ITIH3: variants seen among roughly 807,000 people sequenced by gnomAD.
ITIH3 encodes the protein inter-alpha-trypsin inhibitor heavy chain H3.
In ITIH3, 81 loss-of-function variants were observed where a neutral mutation model predicts 96.5. The ratio of observed to expected loss-of-function variants is 0.84; its 90% CI spans 0.70 to 1.01. ITIH3 has a LOEUF of 1.01. Ranked by LOEUF, ITIH3 falls within the 50% of genes least tolerant of loss-of-function variation. ITIH3 has a pLI of 0.00. For synonymous variants in ITIH3, 422 were observed against 445.2 expected (o/e 0.95, Z 0.66); for missense variants, 1,057 against 1,139.3 (o/e 0.93, Z 1.04).
In ITIH3 at chr3:52,806,309, C is replaced by T. The variant is rs34397833; in HGVS notation, c.1959C>T (p.His653=). The T allele has an allele frequency of 6.2e-3, 9,930 of 1,613,818 alleles. 582 individuals are homozygous for T. The African/African-American group carries it at 0.11, about 19-fold the overall frequency. The change falls in exon 18 of 22, where the codon CAC becomes CAT. Residue 653 remains histidine, a synonymous_variant. Transcript: ENST00000449956. ...TGTCACCAGTGGACGGGGATCCCCA[C>T]TTCATCATCCAAATTCCGGAGAAAG... ...NPYYYVDGDP[H]FIIQIPEKDD... is the part of the protein sequence containing the mutation.
intron 1 of ITIH3, among the ~76,000 whole-genome samples, chr3:52,795,128 A>G (rs556492051): frequency 1.3e-5 from 2 of 152,346 alleles, no homozygotes; most frequent in Admixed American, 1.3e-4. Context: ...CCCACCTGTC[A>G]AAAGAGCAAT....
At chr3:52,804,502 T>C (rs1699965705) in intron 14 of ITIH3, 6 of 562,952 alleles carry the variant, frequency 1.1e-5, no homozygotes, top group Admixed American at 3.2e-5. Context: ...TGGTGGAGGA[T>C]TGGCATTGGG....
Position 52,804,081 on chromosome 3 carries a change from G to C in ITIH3, c.1864+72G>C, listed in dbSNP as rs1559473305. 3.9e-6 allele frequency: 6 copies of C among 1,524,902 alleles called. No individual in the cohort carries two copies. The Middle Eastern group carries it at 8.7e-4, about 220-fold the overall frequency. The allele number at this position is 1,524,902 out of a possible 1,614,324, so 94.5% of individuals were successfully genotyped here. A position where few individuals can be genotyped will look rare whatever the true frequency, so the allele number is the denominator to read the frequency against. On this transcript the variant is annotated intron_variant, in intron 14 of 21. Transcript: ENST00000449956. Reference sequence around the variant, plus strand: ...GCACCCTACCTGGGTGTCCAGTGGAGGAGTGGGCCAGGCTGGGGAGACCCA... The same window carrying C: ...GCACCCTACCTGGGTGTCCAGTGGACGAGTGGGCCAGGCTGGGGAGACCCA...
chr3:52,800,515 G>T, intron 9 of ITIH3, 23 bp from the exon 10 acceptor site: 1 of 1,550,368 alleles, frequency 6.5e-7, no homozygotes, highest in Non-Finnish European at 8.7e-7. Context: ...ACCCTCCCAC[G>T]GTGCTGTCTG....
chr3:52,798,197 C>G (rs1378736718), intron 6 of ITIH3, among the ~76,000 whole-genome samples: 2 of 152,168 alleles, frequency 1.3e-5, no homozygotes, highest in Non-Finnish European at 2.9e-5. Flanking sequence ...CAGGGCAGGG[C>G]TTATCTTCCC....
intron 14 of ITIH3, chr3:52,804,296 T>C (rs570694768): frequency 1.8e-5 from 9 of 487,994 alleles, no homozygotes; most frequent in African/African-American, 1.7e-4. Context: ...GGCTGCAGCA[T>C]GGAAGGGCTT....
At chr3:52,808,066 T>C in intron 20 of ITIH3, 44 bp from the exon 21 acceptor site, 1 of 1,597,348 alleles carries the variant, frequency 6.3e-7, no homozygotes, top group South Asian at 1.1e-5. Context: ...ACGTTACCCG[T>C]GGCAATGGCC....
intron 13 of ITIH3, among the ~76,000 whole-genome samples, chr3:52,803,387 C>T (rs1252705611): frequency 8.0e-5 from 12 of 149,360 alleles, no homozygotes; most frequent in African/African-American, 1.5e-4. Context: ...GGCGGGATCT[C>T]GGCTCACTGC....
rs540985064 is a variant in ITIH3 at position 52,796,681 on chromosome 3, G to A, written c.281+34G>A. The A allele has an allele frequency of 4.3e-4, 688 of 1,606,126 alleles. 9 individuals are homozygous for A. In the South Asian group the frequency reaches 6.7e-3, roughly 16 times the overall value. ...CACCATGGCTGCTGGCTCTGGGCTC[G>A]GGAACAGGGGGTCTGGCCCAGTGTG... On this transcript the variant is annotated intron_variant, in intron 3 of 21. Coordinates refer to ENST00000449956, the MANE Select transcript of ITIH3 (RefSeq NM_002217.4).
intron 1 of ITIH3, 129 bp from the exon 2 acceptor site, chr3:52,795,474 G>A: frequency 2.2e-6 from 2 of 910,178 alleles, no homozygotes; most frequent in Non-Finnish European, 1.7e-6. Flanking sequence ...ATGTCTGGGG[G>A]CCACTCAGGT....
chr3:52,806,269 GCTC>G, intron 17 of ITIH3, 21 bp from the exon 18 acceptor site: 1 of 1,609,164 alleles, frequency 6.2e-7, no homozygotes, highest in Non-Finnish European at 8.5e-7. Flanking sequence ...CCGGGAGTCA[GCTC>G]CTTCTCTAAT....
chr3:52,798,773 A>G, intron 6 of ITIH3, 193 bp from the exon 7 acceptor site: 3 of 617,360 alleles, frequency 4.9e-6, no homozygotes, highest in Non-Finnish European at 8.5e-6. Context: ...AGTGCCTTCC[A>G]GTGAGTCCTG....
chr3:52,807,759 G>A lies in ITIH3; in HGVS notation c.2274G>A (p.Met758Ile), dbSNP rs1197232486. The A allele has an allele frequency of 6.2e-7, 1 of 1,610,894 alleles. No individual in the cohort carries two copies. Among genetic ancestry groups the A allele is most frequent in the Non-Finnish European group, 8.5e-7 (1 of 1,178,634 alleles). The stretch of plus-strand genomic sequence containing the variant: ...CTTCCTCTCGTAGGCTGTCCATGAT[G>A]ATCAACAGGAAGAACATGGTGGTCT... Reference protein sequence around the residue: ...VTVTQDGLSMMINRKNMVVSF... With the variant: ...VTVTQDGLSMIINRKNMVVSF... The change falls in exon 20 of 22, where the codon ATG becomes ATA. Residue 758 changes from methionine (M) to isoleucine (I), a missense_variant. Transcript: ENST00000449956.
intron 6 of ITIH3, among the ~76,000 whole-genome samples, chr3:52,798,227 C>A (rs1194710292): frequency 1.3e-5 from 2 of 152,186 alleles, no homozygotes; most frequent in African/African-American, 2.4e-5. Context: ...GGTCCCGAGG[C>A]TGAAGCCCAA....
At chr3:52,796,943 T>C (rs1360735802) in intron 4 of ITIH3, 100 bp downstream of exon 4, 3 of 1,179,448 alleles carry the variant, frequency 2.5e-6, no homozygotes, top group Non-Finnish European at 3.6e-6. Flanking sequence ...TATAGCAAAA[T>C]GTGCCCATAA....
intron 10 of ITIH3, 95 bp downstream of exon 10, chr3:52,800,758 CTTCCCTGGG>C: frequency 6.6e-7 from 1 of 1,525,434 alleles, no homozygotes; most frequent in South Asian, 1.3e-5. Flanking sequence ...TGGGGCAGCT[CTTCCCTGGG>C]TTCCCTGTGG....
At position 52,807,105 on chromosome 3, in the gene ITIH3, G is replaced by C. The variant is rs1367268721; in HGVS notation, c.2261G>C (p.Gly754Ala). 6.3e-7 allele frequency: 1 copy of C among 1,585,460 alleles called. No individual in the cohort carries two copies. The highest frequency in any genetic ancestry group is 2.3e-5 in the East Asian group (1 of 43,216). Residue 754 changes from glycine to alanine, a missense_variant and splice_region_variant, in exon 19 of 22, where the codon GGG (glycine) becomes GCG (alanine). By Grantham distance (60) the Gly-to-Ala change is moderately conservative. Coordinates refer to ENST00000449956, the MANE Select transcript of ITIH3 (RefSeq NM_002217.4). ...WLDTVTVTQD[G>A]LSMMINRKNM... ...GACACAGTCACAGTCACGCAGGATG[G>C]GTAAGCTCCCCTACAAGGTCTCCAA...
rs547835293 is a variant in ITIH3 at position 52,800,722 on chromosome 3, C to T, written c.1201+59C>T. The T allele has an allele frequency of 9.0e-5, 142 of 1,573,220 alleles. No individual in the cohort carries two copies. The African/African-American group carries it at 1.7e-3, about 19-fold the overall frequency. ...TGGAGTGCTTGGCTGCTGCTCCTGG[C>T]TCTGTAGCTGGCTCATTGGAAAACC... On this transcript the variant is annotated intron_variant, in intron 10 of 21. Coordinates refer to ENST00000449956, the MANE Select transcript of ITIH3 (RefSeq NM_002217.4).
chr3:52,796,611 A>G lies in ITIH3; in HGVS notation c.245A>G (p.Glu82Gly). ...DTAKEVSFDV[E>G]LPKTAFITNF... ...GCCAAGGAGGTTTCCTTTGATGTGG[A>G]GCTGCCCAAGACGGCCTTCATCACC... Residue 82 changes from glutamate to glycine, a missense_variant, in exon 3 of 22, where the codon GAG becomes GGG. By Grantham distance (98) the Glu-to-Gly change is moderately conservative. Transcript: ENST00000449956. 1 of 1,613,288 alleles carries G rather than the reference A, an allele frequency of 6.2e-7. No homozygotes were observed.
Sources: allele counts gnomAD v4.1 joint callset (sites outside exome capture counted in the v4.1 genomes callset), GRCh38; gene constraint gnomAD v4.1.1; transcripts MANE v1.5; gene names NCBI Gene and HGNC (gene_info 2026-07-23, HGNC 2026-07-21).